PPFIA2: variants seen among roughly 807,000 people sequenced by gnomAD.
The protein encoded by PPFIA2 is PPFI scaffold protein A2.
A neutral mutation model predicts 175.5 loss-of-function variants in PPFIA2; 46 were observed. That is an observed-to-expected ratio of 0.26 (90% CI 0.21 to 0.34). The LOEUF is 0.34. Among genes scored for constraint, PPFIA2 ranks in the 10% least tolerant of loss-of-function variants. PPFIA2 has a pLI of 1.00. For missense variants in PPFIA2, 1,179 were observed against 1,506.1 expected (o/e 0.78, Z 3.60); for synonymous variants, 568 against 511.4 (o/e 1.11, Z -1.49).
chr12:81,325,550 T>C (rs2054581484), intron 22 of PPFIA2, among the ~76,000 whole-genome samples: 1 of 152,142 alleles, frequency 6.6e-6, no homozygotes, highest in Non-Finnish European at 1.5e-5. Flanking sequence ...GATGGTTACG[T>C]TGAAGAAACT....
At chr12:81,387,800 G>C (rs2039309916) in intron 8 of PPFIA2, among the ~76,000 whole-genome samples, 1 of 152,080 alleles carries the variant, frequency 6.6e-6, no homozygotes, top group Non-Finnish European at 1.5e-5. Context: ...TCCAGATCTT[G>C]GGTGCTGCCT....
At chr12:81,683,420 C>G (rs1436285510) in intron 3 of PPFIA2, among the ~76,000 whole-genome samples, 2 of 151,950 alleles carry the variant, frequency 1.3e-5, no homozygotes, top group South Asian at 2.1e-4. Context: ...TATATATTCT[C>G]CACATAGTAG....
At position 81,305,720 on chromosome 12, in the gene PPFIA2, T is replaced by C. The variant is rs978758497; in HGVS notation, c.2643-6338A>G. Among the ~76,000 whole-genome samples, 5 of 152,168 alleles carry C rather than the reference T, an allele frequency of 3.3e-5. No homozygotes were observed. In the South Asian group the frequency reaches 6.2e-4, roughly 19 times the overall value. On this transcript the variant is annotated intron_variant, in intron 22 of 32. Coordinates refer to ENST00000549396, the MANE Select transcript of PPFIA2 (RefSeq NM_003625.5). Reference sequence around the variant, plus strand: ...CAGCCTTATTTCCGCTACACTATAATCTCCTGCAGGCATGAGCCATGTCTC... The same window carrying C: ...CAGCCTTATTTCCGCTACACTATAACCTCCTGCAGGCATGAGCCATGTCTC...
chr12:81,660,634 T>G (rs959735780), intron 4 of PPFIA2, among the ~76,000 whole-genome samples: 6 of 152,158 alleles, frequency 3.9e-5, no homozygotes, highest in African/African-American at 9.7e-5. Flanking sequence ...CAGGATATTA[T>G]CCAGGAGAAC....
intron 7 of PPFIA2, among the ~76,000 whole-genome samples, chr12:81,437,460 G>C (rs77811121): frequency 0.066 from 10,086 of 152,064 alleles, 461 homozygotes; most frequent in African/African-American, 0.13. Context: ...CGCTTGATCT[G>C]CAGACCTCAT....
At chr12:81,613,840 T>C (rs193277813) in intron 4 of PPFIA2, among the ~76,000 whole-genome samples, 2 of 152,250 alleles carry the variant, frequency 1.3e-5, no homozygotes, top group East Asian at 3.9e-4. Context: ...GTGAGTTGCA[T>C]TTTAATATTA....
At chr12:81,446,164 A>C (rs1212066875) in intron 5 of PPFIA2, among the ~76,000 whole-genome samples, 1 of 152,248 alleles carries the variant, frequency 6.6e-6, no homozygotes, top group Admixed American at 6.5e-5. Context: ...ATAATCATTA[A>C]AATGTTACTT....
At chr12:81,683,350 AT>A (rs1288427518) in intron 3 of PPFIA2, among the ~76,000 whole-genome samples, 2 of 2,476 alleles carry the variant, frequency 8.1e-4, no homozygotes, top group Admixed American at 6.8e-3. Context: ...GAAAAAAATA[AT>A]ATATATATAT....
chr12:81,292,886 A>T (rs145984238), intron 24 of PPFIA2: 1 of 152,060 alleles, frequency 6.6e-6, no homozygotes, highest in Middle Eastern at 3.2e-3. Flanking sequence ...TAAAAATTAT[A>T]TATTTTTCCT....
At chr12:81,694,172 A>G (rs911532022) in intron 3 of PPFIA2, among the ~76,000 whole-genome samples, 1 of 152,214 alleles carries the variant, frequency 6.6e-6, no homozygotes, top group Non-Finnish European at 1.5e-5. Flanking sequence ...AGGAGGCTGA[A>G]GAGCAACCAC....
At chr12:81,685,180 C>T (rs1160471997) in intron 3 of PPFIA2, among the ~76,000 whole-genome samples, 1 of 151,972 alleles carries the variant, frequency 6.6e-6, no homozygotes, top group Non-Finnish European at 1.5e-5. Context: ...TCACACAAGG[C>T]TTAATGGAAA....
intron 4 of PPFIA2, among the ~76,000 whole-genome samples, chr12:81,654,306 C>T (rs1030707793): frequency 1.3e-5 from 2 of 151,594 alleles, no homozygotes; most frequent in African/African-American, 4.8e-5. Flanking sequence ...GATAGTAAGT[C>T]CCAATATTAA....
At chr12:81,287,548 CAGCCCTAT>C (rs1449841606) in intron 24 of PPFIA2, among the ~76,000 whole-genome samples, 3 of 151,990 alleles carry the variant, frequency 2.0e-5, no homozygotes, top group African/African-American at 7.2e-5. Flanking sequence ...AGACCACTGC[CAGCCCTAT>C]AGTCTTGTAA....
intron 4 of PPFIA2, among the ~76,000 whole-genome samples, chr12:81,494,154 G>A (rs545845028): frequency 2.0e-5 from 3 of 151,864 alleles, no homozygotes; most frequent in African/African-American, 7.2e-5. Context: ...GAGTGAACAG[G>A]CAACCTACAA....
At chr12:81,285,464 T>C (rs11836304) in intron 24 of PPFIA2, among the ~76,000 whole-genome samples, 8,479 of 152,062 alleles carry the variant, frequency 0.056, 366 homozygotes, top group African/African-American at 0.12. Flanking sequence ...ACATATAAAT[T>C]GATGAGTATA....
rs149887133 is a variant in PPFIA2, at chr12:81,327,881, G to A, written c.2549-2011C>T. On this transcript the variant is annotated intron_variant, in intron 21 of 32. Transcript: ENST00000549396. ...AAGCATGAAGAACTTAGAAATACTC[G>A]GAGTATTGCAAAATCTAGTATCTTT... Among the ~76,000 whole-genome samples, 204 of 151,948 alleles carry A rather than the reference G, an allele frequency of 1.3e-3. 2 individuals carry two copies. Among genetic ancestry groups the A allele is most frequent in the African/African-American group, 4.6e-3 (192 of 41,446 alleles).
intron 4 of PPFIA2, among the ~76,000 whole-genome samples, chr12:81,493,754 C>CTATATATATATATATATATATA (rs5799531): frequency 2.0e-5 from 2 of 102,114 alleles, no homozygotes; most frequent in Admixed American, 1.0e-4. Context: ...GTGTGTGTGT[C>CTATATATATATATATATATATA]TATATATATA....
chr12:81,375,776 C>T lies in PPFIA2; in HGVS notation c.1131+20G>A. ...TGAGAACGCACAGACCAGAAGAAAA[C>T]CAAGACAGAGATACTGAACCTGCCG... On this transcript the variant is annotated intron_variant, in intron 10 of 32. Transcript: ENST00000549396. 6.3e-7 allele frequency: 1 copy of T among 1,590,382 alleles called. No individual in the cohort carries two copies. Among genetic ancestry groups the T allele is most frequent in the Non-Finnish European group, 8.6e-7 (1 of 1,160,478 alleles).
chr12:81,680,264 T>C (rs1487384150), intron 3 of PPFIA2, among the ~76,000 whole-genome samples: 1 of 152,024 alleles, frequency 6.6e-6, no homozygotes, highest in Non-Finnish European at 1.5e-5. Context: ...TACTACTCAG[T>C]GAACAGTTGC....
Sources: gnomAD v4.1 joint callset for allele counts (sites outside exome capture counted in the v4.1 genomes callset) on GRCh38, gnomAD v4.1.1 for gene constraint, MANE v1.5 for transcripts, NCBI Gene and HGNC (gene_info 2026-07-23, HGNC 2026-07-21) for gene names.